Variants in HELLS observed in about 807,000 individuals in gnomAD.
HELLS encodes the protein lymphoid-specific helicase.
A neutral mutation model predicts 120.0 loss-of-function variants in HELLS; 32 were observed. The ratio of observed to expected loss-of-function variants is 0.27; its 90% CI spans 0.20 to 0.36. The LOEUF (loss-of-function observed/expected upper bound fraction) is 0.36, where lower values mean the gene tolerates loss of function less well. Among genes scored for constraint, HELLS ranks in the 10% least tolerant of loss-of-function variants. The pLI is 1.00. For missense variants in HELLS, 650 were observed against 993.4 expected, an observed-to-expected ratio of 0.65 and a Z score of 4.65; for synonymous variants, 341 against 323.4, an observed-to-expected ratio of 1.05 and a Z score of -0.58.
In HELLS at chr10:94,596,939, A is replaced by T. The variant is rs1176660534; in HGVS notation, c.2328A>T (p.Lys776Asn). ...LDPKELMELL[K>N]SRDYEREIKG... is the part of the protein sequence containing the mutation. ...CTAAGGAATTAATGGAATTATTAAA[A>T]TCTAGAGATTATGAAAGGTGAGTTT... Residue 776 changes from lysine to asparagine, a missense_variant, in exon 20 of 22, where the codon AAA becomes AAT. By Grantham distance (94) the Lys-to-Asn change is moderately conservative. This residue lies in a region of HELLS where 90 missense variants were observed against 109.2 expected (regional missense o/e 0.82). Coordinates refer to ENST00000348459, the MANE Select transcript of HELLS (RefSeq NM_018063.5). The T allele has an allele frequency of 6.7e-7, 1 of 1,495,646 alleles. No individual in the cohort carries two copies. The highest frequency in any genetic ancestry group is 2.3e-5 in the East Asian group (1 of 44,158). 92.6% of individuals were successfully genotyped at this position (1,495,646 alleles called of 1,614,324 possible).
At chr10:94,558,265 C>T (rs942532066) in intron 4 of HELLS, 70 bp downstream of exon 4, 1 of 1,466,188 alleles carries the variant, frequency 6.8e-7, no homozygotes, top group Non-Finnish European at 9.0e-7. Context: ...ATTCTTCTGA[C>T]TTTTTTGATC....
chr10:94,546,247 T>C lies in HELLS; in HGVS notation c.32-130T>C, dbSNP rs373838796. On this transcript the variant is annotated intron_variant, in intron 1 of 21. Transcript: ENST00000348459. ...ACTTACGGTGTCTTCTGAGAGGTGA[T>C]GCTGGCGTCCCCTCGGTCTTCAGCT... 115 of 1,081,008 alleles carry C rather than the reference T, an allele frequency of 1.1e-4. No homozygotes were observed. The East Asian group carries it at 2.5e-3, about 24-fold the overall frequency. 67.0% of individuals were successfully genotyped at this position (1,081,008 alleles called of 1,614,324 possible).
intron 21 of HELLS, among the ~76,000 whole-genome samples, chr10:94,597,928 C>G (rs1589766380): frequency 1.3e-5 from 2 of 151,698 alleles, no homozygotes; most frequent in East Asian, 3.9e-4. Context: ...TTCTGTCATT[C>G]TTTTATTAGC....
chr10:94,562,870 A>G lies in HELLS; in HGVS notation c.429A>G (p.Ser143=). 1.9e-6 allele frequency: 3 copies of G among 1,561,952 alleles called. No individual in the cohort carries two copies. The highest frequency in any genetic ancestry group is 2.6e-6 in the Non-Finnish European group (3 of 1,141,376). Residue 143 remains serine, a synonymous_variant, in exon 6 of 22, where the codon TCA becomes TCG. Transcript: ENST00000348459. ...DESYNISEVM[S]KEEILSVAKK... is the part of the protein sequence containing the mutation. ...CATACAATATTTCAGAGGTCATGTC[A>G]AAAGAGGTAAAAATAAAAGGGAGAG...
chr10:94,611,108 T>C (rs1297094279), exon 10 of HELLS: 1 of 152,224 alleles, frequency 6.6e-6, no homozygotes, highest in Non-Finnish European at 1.5e-5. Flanking sequence ...AGAAGTGTTC[T>C]TTTCTGGCTG....
intron 6 of HELLS, among the ~76,000 whole-genome samples, chr10:94,563,254 C>T (rs879911118): frequency 3.9e-5 from 6 of 152,052 alleles, no homozygotes; most frequent in Non-Finnish European, 7.4e-5. Flanking sequence ...AACCACCACG[C>T]CTGGCCAATT....
chr10:94,547,982 A>C (rs1842817074), intron 2 of HELLS, among the ~76,000 whole-genome samples: 1 of 152,252 alleles, frequency 6.6e-6, no homozygotes, highest in Non-Finnish European at 1.5e-5. Context: ...GTGAATTAAC[A>C]GAATTGAGAG....
intron 2 of HELLS, among the ~76,000 whole-genome samples, chr10:94,552,334 C>G (rs577978871): frequency 6.6e-6 from 1 of 152,258 alleles, no homozygotes; most frequent in East Asian, 1.9e-4. Flanking sequence ...ATTTTTAGTG[C>G]TGTTGCTGAG....
chr10:94,594,497 GTATT>G (rs1564616493), intron 18 of HELLS, among the ~76,000 whole-genome samples, 194 bp from the exon 19 acceptor site: 1 of 152,078 alleles, frequency 6.6e-6, no homozygotes, highest in Non-Finnish European at 1.5e-5. Context: ...TTTCTTTAGG[GTATT>G]TAAACTTTTT....
intron 2 of HELLS, among the ~76,000 whole-genome samples, chr10:94,552,656 T>G (rs1186084996): frequency 6.6e-6 from 1 of 152,238 alleles, no homozygotes; most frequent in Non-Finnish European, 1.5e-5. Context: ...GTTGATTTAC[T>G]AGGCTGGATT....
chr10:94,586,514 T>G (rs1845158739), intron 12 of HELLS, among the ~76,000 whole-genome samples: 1 of 152,240 alleles, frequency 6.6e-6, no homozygotes, highest in African/African-American at 2.4e-5. Flanking sequence ...CCAACACTGG[T>G]AATGTGTTTA....
chr10:94,604,963 A>G (rs1846112266), downstream of HELLS, among the ~76,000 whole-genome samples: 1 of 149,404 alleles, frequency 6.7e-6, no homozygotes, highest in African/African-American at 2.5e-5. Flanking sequence ...ACATTCTTCT[A>G]GTTTGGACTG....
intron 2 of HELLS, 138 bp downstream of exon 2, chr10:94,546,636 T>G: frequency 1.1e-6 from 1 of 937,556 alleles, no homozygotes; most frequent in Non-Finnish European, 1.6e-6. Context: ...ATTACTTGTC[T>G]TTTTTGTATG....
intron 19 of HELLS, among the ~76,000 whole-genome samples, chr10:94,595,583 T>G (rs1845700803): frequency 6.6e-6 from 1 of 152,234 alleles, no homozygotes; most frequent in Non-Finnish European, 1.5e-5. Context: ...TTTTTCCTTT[T>G]TCATTTCCTT....
intron 4 of HELLS, 90 bp downstream of exon 4, chr10:94,558,285 A>G (rs1316643230): frequency 7.1e-7 from 1 of 1,417,638 alleles, no homozygotes; most frequent in East Asian, 2.6e-5. Context: ...CATCTGTTTA[A>G]TTTTAAGTTT....
chr10:94,557,232 G>T, intron 3 of HELLS: 2 of 379,890 alleles, frequency 5.3e-6, no homozygotes, highest in South Asian at 2.0e-5. Flanking sequence ...AGTAAGTCCC[G>T]GTGTCCCCAT....
At chr10:94,560,650 T>C (rs988049977) in intron 4 of HELLS, among the ~76,000 whole-genome samples, 1 of 151,998 alleles carries the variant, frequency 6.6e-6, no homozygotes, top group African/African-American at 2.4e-5. Context: ...TGGGCCAAGA[T>C]TGCATCACCG....
chr10:94,580,105 C>A (rs1844749128), intron 10 of HELLS, among the ~76,000 whole-genome samples: 1 of 127,574 alleles, frequency 7.8e-6, no homozygotes, highest in South Asian at 2.6e-4. Flanking sequence ...CTCTCACATA[C>A]CCATTATAAA....
At chr10:94,555,373 G>A (rs977544172) in intron 3 of HELLS, among the ~76,000 whole-genome samples, 1 of 152,122 alleles carries the variant, frequency 6.6e-6, no homozygotes, top group African/African-American at 2.4e-5. Context: ...GGAGGCGGAG[G>A]TTGCAGTGAG....
Sources: gnomAD v4.1 joint callset for allele counts (sites outside exome capture counted in the v4.1 genomes callset) on GRCh38, gnomAD v4.1.1 for gene constraint, gnomAD v4.1.1 regional missense constraint, MANE v1.5 for transcripts, NCBI Gene and HGNC (gene_info 2026-07-23, HGNC 2026-07-21) for gene names.